Variants in PEX5L observed in about 807,000 individuals in gnomAD.
The protein encoded by PEX5L is peroxisomal biogenesis factor 5 like.
PEX5L carries 30 observed loss-of-function variants against 84.0 expected under a neutral mutation model. The observed-to-expected ratio is 0.36, with a 90% CI of 0.27 to 0.48. PEX5L has a LOEUF of 0.48. Among genes scored for constraint, PEX5L ranks in the 20% least tolerant of loss-of-function variants. PEX5L has a pLI of 0.99. For missense variants in PEX5L, 533 were observed against 754.6 expected (o/e 0.71, Z 3.44); for synonymous variants, 270 against 283.1 (o/e 0.95, Z 0.46).
intron 1 of PEX5L, among the ~76,000 whole-genome samples, chr3:180,021,019 T>C (rs1790376687): frequency 6.8e-6 from 1 of 147,324 alleles, no homozygotes; most frequent in Non-Finnish European, 1.5e-5. Context: ...AGAAGTAGGG[T>C]AAGGGGAGCT....
chr3:179,959,746 A>G (rs931003448), intron 2 of PEX5L, among the ~76,000 whole-genome samples: 12 of 152,158 alleles, frequency 7.9e-5, no homozygotes, highest in Admixed American at 3.3e-4. Context: ...CCGAACACTG[A>G]GGCTAAATGT....
intron 8 of PEX5L, among the ~76,000 whole-genome samples, chr3:179,847,225 T>A (rs975814528): frequency 6.6e-6 from 1 of 152,076 alleles, no homozygotes; most frequent in African/African-American, 2.4e-5. Flanking sequence ...TGTATTTATA[T>A]ATAGATATCT....
intron 8 of PEX5L, among the ~76,000 whole-genome samples, chr3:179,848,566 A>AG (rs1740561631): frequency 2.6e-5 from 4 of 151,614 alleles, no homozygotes; most frequent in Middle Eastern, 3.4e-3. Flanking sequence ...AAAAAAAAAA[A>AG]AAAGAAAAGA....
At chr3:179,981,303 A>T (rs763599157) in intron 1 of PEX5L, among the ~76,000 whole-genome samples, 1 of 152,092 alleles carries the variant, frequency 6.6e-6, no homozygotes, top group Non-Finnish European at 1.5e-5. Flanking sequence ...TTTAAGCAAG[A>T]GAGTGACGTT....
chr3:179,957,430 T>C (rs565543967), intron 2 of PEX5L, among the ~76,000 whole-genome samples: 2 of 152,226 alleles, frequency 1.3e-5, no homozygotes, highest in African/African-American at 2.4e-5. Flanking sequence ...GGCAGAGTCA[T>C]GTCAGGTGAA....
At chr3:179,923,146 T>C (rs759615648) in intron 2 of PEX5L, among the ~76,000 whole-genome samples, 7 of 151,506 alleles carry the variant, frequency 4.6e-5, no homozygotes, top group East Asian at 1.9e-4. Context: ...AAAAAATTAG[T>C]TGGGCTTGGT....
intron 1 of PEX5L, among the ~76,000 whole-genome samples, chr3:179,983,895 G>A (rs556190525): frequency 6.6e-6 from 1 of 152,006 alleles, no homozygotes; most frequent in Admixed American, 6.6e-5. Context: ...GTATAATGAA[G>A]TATGACAACA....
intron 8 of PEX5L, among the ~76,000 whole-genome samples, chr3:179,840,192 T>TTG (rs1373087825): frequency 1.4e-5 from 2 of 144,182 alleles, no homozygotes; most frequent in African/African-American, 5.1e-5. Flanking sequence ...TGTTTTTTTT[T>TTG]TTTTTTTTTT....
intron 7 of PEX5L, among the ~76,000 whole-genome samples, chr3:179,861,297 T>C (rs1746041597): frequency 6.6e-6 from 1 of 152,200 alleles, no homozygotes; most frequent in Admixed American, 6.5e-5. Flanking sequence ...CAGTCAAGGT[T>C]CTCTGTTCAA....
In PEX5L at chr3:179,971,603, A is replaced by T; in HGVS notation, c.84T>A (p.Asp28Glu). The part of the protein sequence containing the change: ...SSDEDLEIIV[D>E]QKQGKGSRAA... ...GTAAGTATTCACTTACCTGCTTTTG[A>T]TCAACAATTATTTCGAGGTCTTCAT... The change falls in exon 2 of 15, where the codon GAT becomes GAA. Residue 28 changes from aspartate to glutamate, a missense_variant. Transcript: ENST00000467460. 6.2e-7 allele frequency: 1 copy of T among 1,607,506 alleles called. No homozygotes were observed.
chr3:179,876,356 G>A (rs1317823121), intron 5 of PEX5L, among the ~76,000 whole-genome samples: 1 of 152,016 alleles, frequency 6.6e-6, no homozygotes, highest in Non-Finnish European at 1.5e-5. Flanking sequence ...AATGAATGGG[G>A]TGTGGTGGTG....
chr3:179,820,039 C>T (rs1281250370), intron 8 of PEX5L, 63 bp from the exon 9 acceptor site: 40 of 1,608,526 alleles, frequency 2.5e-5, no homozygotes, highest in Non-Finnish European at 3.3e-5. Flanking sequence ...CTGTGTTTTT[C>T]TTCCCCCCCT....
intron 8 of PEX5L, among the ~76,000 whole-genome samples, chr3:179,824,570 G>A (rs1051142418): frequency 2.0e-5 from 3 of 152,210 alleles, no homozygotes; most frequent in Middle Eastern, 6.8e-3. Flanking sequence ...GCCAGGCGTG[G>A]TGGTGCATGC....
At chr3:179,977,054 A>T (rs1288874718) in intron 1 of PEX5L, among the ~76,000 whole-genome samples, 1 of 152,238 alleles carries the variant, frequency 6.6e-6, no homozygotes, top group Non-Finnish European at 1.5e-5. Flanking sequence ...ATCTTGAAGG[A>T]TGTATACCAA....
chr3:180,033,579 C>A (rs917696438), intron 1 of PEX5L, among the ~76,000 whole-genome samples: 1 of 152,106 alleles, frequency 6.6e-6, no homozygotes, highest in Non-Finnish European at 1.5e-5. Context: ...TGCACATAGG[C>A]AAATAATCAC....
chr3:179,874,334 G>T lies in PEX5L; in HGVS notation c.719C>A (p.Pro240Gln). The change falls in exon 7 of 15, where the codon CCG becomes CAG. Residue 240 changes from proline to glutamine, a missense_variant. Coordinates refer to ENST00000467460, the MANE Select transcript of PEX5L (RefSeq NM_016559.3). ...AATAATCAGTTTTGTTACCTGAGTC[G>T]GAGCCACTAATTCCAATTCTGAAGC... ...ESASELELVA[P>Q]TQARLTKEHR... 1 of 1,596,494 alleles carries T rather than the reference G, an allele frequency of 6.3e-7. No homozygotes were observed. Among genetic ancestry groups the T allele is most frequent in the Non-Finnish European group, 8.6e-7 (1 of 1,164,522 alleles).
chr3:179,895,334 G>T (rs1267536529), intron 3 of PEX5L, among the ~76,000 whole-genome samples: 10 of 152,094 alleles, frequency 6.6e-5, no homozygotes, highest in Admixed American at 5.9e-4. Context: ...GCCACATAAA[G>T]CTCAGTAGCT....
In PEX5L at chr3:179,801,647, T is replaced by G; in HGVS notation, c.*181A>C. On this transcript the variant is annotated 3_prime_UTR_variant, in exon 15 of 15. Coordinates refer to ENST00000467460, the MANE Select transcript of PEX5L (RefSeq NM_016559.3). ...TGACTTTGACTCTATATACAACATTTTGTGCTTTTGGATCTGAACAGAGAC... is the reference window on the plus strand; with the variant it reads ...TGACTTTGACTCTATATACAACATTGTGTGCTTTTGGATCTGAACAGAGAC... 3 of 594,982 alleles carry G rather than the reference T, an allele frequency of 5.0e-6. No individual in the cohort carries two copies. Among genetic ancestry groups the G allele is most frequent in the Non-Finnish European group, 9.0e-6 (3 of 335,192 alleles). 36.9% of individuals were successfully genotyped at this position (594,982 alleles called of 1,614,324 possible). A position where few individuals can be genotyped will look rare whatever the true frequency, so the allele number is the denominator to read the frequency against.
At chr3:180,014,815 C>T (rs1422136997) in intron 1 of PEX5L, among the ~76,000 whole-genome samples, 1 of 146,398 alleles carries the variant, frequency 6.8e-6, no homozygotes, top group African/African-American at 2.6e-5. Context: ...AAACGAACCC[C>T]GAAATCTGAA....
Sources: gnomAD v4.1 joint callset for allele counts (sites outside exome capture counted in the v4.1 genomes callset) on GRCh38, gnomAD v4.1.1 for gene constraint, MANE v1.5 for transcripts, NCBI Gene and HGNC (gene_info 2026-07-23, HGNC 2026-07-21) for gene names.